Variants in SEMA5A observed in about 807,000 individuals in gnomAD.
SEMA5A encodes semaphorin-5A.
In SEMA5A, 55 loss-of-function variants were observed where a neutral mutation model predicts 135.5. That is an observed-to-expected ratio of 0.41 (90% confidence interval 0.33 to 0.51). The LOEUF (loss-of-function observed/expected upper bound fraction) is 0.51. SEMA5A is among the 20% of genes least tolerant of loss of function. The pLI, the probability that SEMA5A is intolerant of heterozygous loss-of-function variation, is 0.37. For synonymous variants in SEMA5A, 580 were observed against 546.5 expected (o/e 1.06, Z -0.85); for missense variants, 1,290 against 1,419.9 (o/e 0.91, Z 1.47).
chr5:9,536,949 G>A (rs754954982), intron 1 of SEMA5A, among the ~76,000 whole-genome samples: 3 of 152,222 alleles, frequency 2.0e-5, no homozygotes, highest in Non-Finnish European at 2.9e-5. Context: ...AGGCTGTGAA[G>A]TGAACATTCG....
intron 16 of SEMA5A, among the ~76,000 whole-genome samples, chr5:9,073,988 A>C (rs960517333): frequency 1.3e-5 from 2 of 152,160 alleles, no homozygotes; most frequent in African/African-American, 2.4e-5. Context: ...GGTAGAAATT[A>C]ACAAGCTAAT....
intron 1 of SEMA5A, among the ~76,000 whole-genome samples, chr5:9,439,555 C>T (rs977112435): frequency 1.1e-4 from 16 of 152,184 alleles, no homozygotes; most frequent in Admixed American, 6.5e-5. Context: ...CTGCCTCCCC[C>T]AGTGAGGTCA....
chr5:9,297,472 C>T (rs535260638), intron 5 of SEMA5A, among the ~76,000 whole-genome samples: 108 of 152,288 alleles, frequency 7.1e-4, no homozygotes, highest in African/African-American at 2.5e-3. Context: ...TATGTGTGTG[C>T]CCTCAGCAGA....
chr5:9,135,879 T>C (rs960571540), intron 13 of SEMA5A, among the ~76,000 whole-genome samples: 1 of 152,184 alleles, frequency 6.6e-6, no homozygotes, highest in African/African-American at 2.4e-5. Context: ...TTCCTATAAA[T>C]GTGGACCCAA....
At chr5:9,354,754 GACT>G (rs1754369668) in intron 3 of SEMA5A, among the ~76,000 whole-genome samples, 2 of 152,176 alleles carry the variant, frequency 1.3e-5, no homozygotes, top group African/African-American at 4.8e-5. Flanking sequence ...TGTAGAGTGT[GACT>G]TAGAGCAACA....
intron 1 of SEMA5A, among the ~76,000 whole-genome samples, chr5:9,530,441 G>C (rs1737375615): frequency 6.6e-6 from 1 of 152,072 alleles, no homozygotes; most frequent in African/African-American, 2.4e-5. Context: ...AACTCTTCCA[G>C]TCTCAACCAA....
chr5:9,147,080 T>A lies in SEMA5A; in HGVS notation c.1481+7408A>T, dbSNP rs530998718. On this transcript the variant is annotated intron_variant, in intron 12 of 22. Transcript: ENST00000382496. Reference sequence around the variant, plus strand: ...TGGCAGATGCTGTCTTTAGGGAATATTTAATTAAGAAAGGTGTCAACCTAT... The same window carrying A: ...TGGCAGATGCTGTCTTTAGGGAATAATTAATTAAGAAAGGTGTCAACCTAT... 2.0e-5 allele frequency among the ~76,000 whole-genome samples: 3 copies of A among 152,304 alleles called. No individual in the cohort carries two copies. The South Asian group carries it at 6.2e-4, about 32-fold the overall frequency.
chr5:9,070,227 G>T (rs4701832), intron 16 of SEMA5A, among the ~76,000 whole-genome samples: 133,895 of 152,064 alleles, frequency 0.88, 59,046 homozygotes, highest in East Asian at 0.96. Context: ...AAAAATTAGC[G>T]GGGCATGGTG....
chr5:9,138,109 T>C (rs1228371398), intron 12 of SEMA5A, among the ~76,000 whole-genome samples: 2 of 152,180 alleles, frequency 1.3e-5, no homozygotes, highest in Admixed American at 6.5e-5. Flanking sequence ...TTCTCAGAAG[T>C]AGGGCTAGGT....
At chr5:9,390,776 T>C (rs1756125977) in intron 2 of SEMA5A, among the ~76,000 whole-genome samples, 1 of 151,802 alleles carries the variant, frequency 6.6e-6, no homozygotes, top group Admixed American at 6.6e-5. Flanking sequence ...AAGAAAAAAT[T>C]ACCAAGACAT....
chr5:9,396,606 G>A (rs753615893), intron 2 of SEMA5A, among the ~76,000 whole-genome samples: 5 of 152,020 alleles, frequency 3.3e-5, no homozygotes, highest in Non-Finnish European at 7.4e-5. Flanking sequence ...GCACCCCAGA[G>A]CCAACTACCA....
At chr5:9,353,802 G>A (rs1203077998) in intron 3 of SEMA5A, among the ~76,000 whole-genome samples, 3 of 151,894 alleles carry the variant, frequency 2.0e-5, no homozygotes, top group East Asian at 1.9e-4. Flanking sequence ...TCCTCTGAGG[G>A]AAAAAATAAA....
At chr5:9,396,246 G>GCACACACACA (rs147262677) in intron 2 of SEMA5A, among the ~76,000 whole-genome samples, 15,555 of 148,780 alleles carry the variant, frequency 0.1, 927 homozygotes, top group East Asian at 0.25. Context: ...GCGCGTGCGT[G>GCACACACACA]CACACACACA....
rs1435272815 is a variant in SEMA5A, at chr5:9,136,547, C to T, written c.1556G>A (p.Ser519Asn). 2 of 1,614,212 alleles carry T rather than the reference C, an allele frequency of 1.2e-6. No homozygotes were observed. The highest frequency in any genetic ancestry group is 4.5e-5 in the East Asian group (2 of 44,870). The change falls in exon 13 of 23, where the codon AGC (serine) becomes AAC (asparagine). Residue 519 changes from serine (S) to asparagine (N), a missense_variant. Ser to Asn is a conservative substitution (Grantham distance 46). Around this residue, in one of 3 missense-constraint regions of SEMA5A, gnomAD observed 1,029 missense variants for 1,086.6 expected, o/e 0.95. Coordinates refer to ENST00000382496, the MANE Select transcript of SEMA5A (RefSeq NM_003966.3). ...CTGTTCCCACTGCGTCATGCTCAGGCTCTCCTCCAGGCTTGTGCATTTCTT... is the reference window on the plus strand; with the variant it reads ...CTGTTCCCACTGCGTCATGCTCAGGTTCTCCTCCAGGCTTGTGCATTTCTT... ...VMKKCTSLEE[S>N]LSMTQWEQSI... is the part of the protein sequence containing the mutation.
chr5:9,104,502 A>G (rs567795440), intron 16 of SEMA5A, among the ~76,000 whole-genome samples: 29 of 152,320 alleles, frequency 1.9e-4, no homozygotes, highest in African/African-American at 7.0e-4. Context: ...TTAAAAGGAA[A>G]CACACATATG....
chr5:9,402,898 T>C (rs982363288), intron 2 of SEMA5A, among the ~76,000 whole-genome samples: 3 of 152,210 alleles, frequency 2.0e-5, no homozygotes, highest in Non-Finnish European at 2.9e-5. Context: ...CAGGAACTTC[T>C]GGACTTGGTC....
intron 5 of SEMA5A, among the ~76,000 whole-genome samples, chr5:9,282,604 GA>G (rs946851689): frequency 1.3e-5 from 2 of 151,960 alleles, no homozygotes; most frequent in South Asian, 2.1e-4. Context: ...TAGAAAATAA[GA>G]AAAAAACAGT....
intron 2 of SEMA5A, among the ~76,000 whole-genome samples, chr5:9,418,178 G>A (rs1293664065): frequency 2.6e-5 from 4 of 151,874 alleles, no homozygotes; most frequent in Non-Finnish European, 5.9e-5. Flanking sequence ...GGGTTTCACC[G>A]TGTTAGCCAA....
At chr5:9,100,591 T>C (rs1368112776) in intron 16 of SEMA5A, among the ~76,000 whole-genome samples, 1 of 152,164 alleles carries the variant, frequency 6.6e-6, no homozygotes, top group Non-Finnish European at 1.5e-5. Context: ...CCCTCTTTCC[T>C]GCCTCACCCT....
Sources: gnomAD v4.1 joint callset for allele counts (sites outside exome capture counted in the v4.1 genomes callset) on GRCh38, gnomAD v4.1.1 for gene constraint, gnomAD v4.1.1 regional missense constraint, MANE v1.5 for transcripts, NCBI Gene and HGNC (gene_info 2026-07-23, HGNC 2026-07-21) for gene names.